The following SOX11 variants were observed in gnomAD, a reference collection of about 807,000 sequenced individuals.
SOX11 encodes transcription factor SOX-11.
A neutral mutation model predicts 16.7 loss-of-function variants in SOX11; 5 were observed. The observed-to-expected ratio is 0.30, with a 90% confidence interval of 0.16 to 0.63. The LOEUF is 0.63. SOX11 is among the 20% of genes least tolerant of loss of function. The pLI is 0.82. For synonymous variants in SOX11, 363 were observed against 298.8 expected (o/e 1.21, Z -2.22); for missense variants, 492 against 641.5 (o/e 0.77, Z 2.52).
Position 5,693,635 on chromosome 2 carries a change from C to T in SOX11, c.914C>T (p.Ala305Val). The stretch of plus-strand genomic sequence containing the variant: ...GTGCGGGCCGGCGCGACCTCGGGCG[C>T]CGGGGGCGGCAGCCGCCTCTACTAC... ...DEVRAGATSG[A>V]GGGSRLYYSF... Residue 305 changes from alanine to valine, a missense_variant, in exon 1 of 1, where the codon GCC (alanine) becomes GTC (valine). Transcript: ENST00000322002. The surrounding 1 kb of genome is among the most constrained non-coding windows in gnomAD (Gnocchi z 8.6). 1.3e-5 allele frequency: 20 copies of T among 1,580,690 alleles called. No homozygotes were observed. Among genetic ancestry groups the T allele is most frequent in the Non-Finnish European group, 1.6e-5 (19 of 1,170,952 alleles).
Sources: gnomAD v4.1 joint callset for allele counts on GRCh38, gnomAD v4.1.1 for gene constraint, Gnocchi (gnomAD v3.1) non-coding constraint, MANE v1.5 for transcripts, NCBI Gene and HGNC (gene_info 2026-07-23, HGNC 2026-07-21) for gene names.